Variants in TTC39C observed in about 807,000 individuals in gnomAD.
TTC39C encodes tetratricopeptide repeat protein 39C.
Under a neutral mutation model 76.3 loss-of-function variants are expected in TTC39C, and 33 were observed. That is an observed-to-expected ratio of 0.43 (90% CI 0.33 to 0.58). TTC39C has a LOEUF of 0.58. Ranked by LOEUF, TTC39C falls within the 20% of genes least tolerant of loss-of-function variation. The pLI, the probability that TTC39C is intolerant of heterozygous loss-of-function variation, is 0.04. For synonymous variants in TTC39C, 254 were observed against 260.6 expected (o/e 0.97, Z 0.24); for missense variants, 595 against 701.4 (o/e 0.85, Z 1.71).
At chr18:24,020,247 A>G (rs910863434) in intron 1 of TTC39C, 12 of 1,037,492 alleles carry the variant, frequency 1.2e-5, no homozygotes, top group East Asian at 8.1e-5. Flanking sequence ...CAACTATTAC[A>G]CTGTCTGAAA....
chr18:24,114,414 A>G, intron 6 of TTC39C, 140 bp from the exon 7 acceptor site: 1 of 619,028 alleles, frequency 1.6e-6, no homozygotes, highest in South Asian at 2.0e-5. Flanking sequence ...GTATTTTCCT[A>G]GCAATCTTTA....
intron 3 of TTC39C, among the ~76,000 whole-genome samples, chr18:24,067,159 C>T (rs1168220911): frequency 6.6e-6 from 1 of 152,168 alleles, no homozygotes; most frequent in Admixed American, 6.5e-5. Flanking sequence ...TTGTTTTGTA[C>T]TAAGAATGCA....
chr18:24,071,010 C>T (rs1275230165), intron 4 of TTC39C, among the ~76,000 whole-genome samples: 1 of 151,846 alleles, frequency 6.6e-6, no homozygotes, highest in Admixed American at 6.6e-5. Context: ...TTCACTGCAA[C>T]CTCTGCCTCC....
chr18:24,042,823 G>A (rs866307107), intron 1 of TTC39C, among the ~76,000 whole-genome samples: 1 of 152,082 alleles, frequency 6.6e-6, no homozygotes, highest in African/African-American at 2.4e-5. Flanking sequence ...TGTAAATAAC[G>A]GGTGTGCCTA....
chr18:24,068,481 G>A (rs1042216499), intron 3 of TTC39C, among the ~76,000 whole-genome samples: 1 of 152,126 alleles, frequency 6.6e-6, no homozygotes, highest in South Asian at 2.1e-4. Flanking sequence ...TTTTATTCAA[G>A]TTTACTTTGT....
intron 6 of TTC39C, among the ~76,000 whole-genome samples, chr18:24,102,875 G>C (rs1191606448): frequency 1.3e-5 from 2 of 152,212 alleles, no homozygotes; most frequent in Non-Finnish European, 2.9e-5. Context: ...GGGAGGCCAA[G>C]GTGGGAGGAC....
intron 6 of TTC39C, among the ~76,000 whole-genome samples, chr18:24,086,742 C>G (rs2084444640): frequency 6.6e-6 from 1 of 152,204 alleles, no homozygotes; most frequent in South Asian, 2.1e-4. Context: ...GTCCTTACAG[C>G]TGATCCTATT....
chr18:24,131,810 C>T (rs1410916114), intron 12 of TTC39C, 72 bp from the exon 13 acceptor site: 1 of 1,291,594 alleles, frequency 7.7e-7, no homozygotes, highest in Non-Finnish European at 1.1e-6. Flanking sequence ...TTAACATAGC[C>T]TCCTATTATA....
In TTC39C at chr18:24,060,634, G is replaced by C. The variant is rs189638163; in HGVS notation, c.168-3506G>C. Among the ~76,000 whole-genome samples the C allele has an allele frequency of 1.1e-3, 162 of 152,266 alleles. 1 individual carries two copies. The highest frequency in any genetic ancestry group is 3.0e-3 in the African/African-American group (123 of 41,560). The stretch of plus-strand genomic sequence containing the variant: ...TATTCTTTTAAAGATAAAAAATTCA[G>C]TGAGTTTGCTTTTATTCTTCCAGTT... On this transcript the variant is annotated intron_variant, in intron 1 of 13. Transcript: ENST00000317571.
At chr18:24,061,985 G>A (rs566735326) in intron 1 of TTC39C, among the ~76,000 whole-genome samples, 6 of 152,324 alleles carry the variant, frequency 3.9e-5, no homozygotes, top group East Asian at 3.9e-4. Context: ...CTGAGAGGAC[G>A]ATCGCCCGTC....
chr18:24,048,624 T>G (rs1175438112), intron 1 of TTC39C, among the ~76,000 whole-genome samples: 2 of 152,248 alleles, frequency 1.3e-5, no homozygotes, highest in African/African-American at 4.8e-5. Context: ...CCTATCTCTA[T>G]TCTTCTGAAA....
At chr18:24,121,394 A>C (rs2084966986) in intron 8 of TTC39C, among the ~76,000 whole-genome samples, 1 of 152,150 alleles carries the variant, frequency 6.6e-6, no homozygotes, top group Non-Finnish European at 1.5e-5. Context: ...CCAACAACCA[A>C]CATGGAGAAA....
intron 4 of TTC39C, among the ~76,000 whole-genome samples, chr18:24,075,626 G>A (rs28640080): frequency 0.19 from 27,340 of 144,714 alleles, 2,776 homozygotes; most frequent in Middle Eastern, 0.26. Context: ...CGGGGCTGCA[G>A]TAAGGTGAGA....
At chr18:24,113,541 T>A in intron 6 of TTC39C, 1 of 701,134 alleles carries the variant, frequency 1.4e-6, no homozygotes, top group East Asian at 2.7e-5. Context: ...GGGAGGGAAG[T>A]CCACCTCCCT....
At chr18:24,048,168 A>C (rs1193581801) in intron 1 of TTC39C, among the ~76,000 whole-genome samples, 3 of 152,206 alleles carry the variant, frequency 2.0e-5, no homozygotes, top group Admixed American at 2.0e-4. Flanking sequence ...TAGTGCCTCT[A>C]CTAGAATGGA....
intron 1 of TTC39C, among the ~76,000 whole-genome samples, chr18:24,022,260 A>G (rs1478172793): frequency 3.9e-5 from 6 of 152,084 alleles, no homozygotes; most frequent in Non-Finnish European, 7.4e-5. Flanking sequence ...GACTTAGAGA[A>G]CACATTCTTT....
At chr18:24,069,445 A>G (rs2084209584) in intron 4 of TTC39C, among the ~76,000 whole-genome samples, 174 bp downstream of exon 4, 1 of 152,200 alleles carries the variant, frequency 6.6e-6, no homozygotes, top group African/African-American at 2.4e-5. Flanking sequence ...ATGTGTGTTT[A>G]GTGGAGCAGT....
intron 1 of TTC39C, among the ~76,000 whole-genome samples, chr18:24,060,025 C>T (rs576854985): frequency 2.7e-5 from 4 of 145,508 alleles, no homozygotes; most frequent in African/African-American, 9.7e-5. Context: ...TTATCTCCCA[C>T]CAGCTCCCTC....
rs537034132 is a variant in TTC39C, at chr18:23,999,996, G to A, written c.-17+6958G>A. 4.6e-5 allele frequency among the ~76,000 whole-genome samples: 7 copies of A among 152,320 alleles called. No individual in the cohort carries two copies. The East Asian group carries it at 1.4e-3, about 29-fold the overall frequency. On this transcript the variant is annotated intron_variant, in intron 1 of 13. Coordinates refer to the TTC39C transcript ENST00000304621. ...ACTGAAGAGTGGGCTTATAGTGCAA[G>A]CAATGAGAGCTGCCAACTAGGCAGC... is the stretch of plus-strand genomic sequence containing the variant.
Sources: allele counts gnomAD v4.1 joint callset (sites outside exome capture counted in the v4.1 genomes callset), GRCh38; gene constraint gnomAD v4.1.1; transcripts MANE v1.5; gene names NCBI Gene and HGNC (gene_info 2026-07-23, HGNC 2026-07-21).